LOXHD1: variants seen among roughly 807,000 people sequenced by gnomAD.
LOXHD1 encodes the protein lipoxygenase homology domain-containing protein 1.
In LOXHD1, 205 loss-of-function variants were observed where a neutral mutation model predicts 248.2. The ratio of observed to expected loss-of-function variants is 0.83; its 90% CI spans 0.74 to 0.93. The LOEUF (loss-of-function observed/expected upper bound fraction) is 0.93. Among genes scored for constraint, LOXHD1 ranks in the 40% least tolerant of loss-of-function variants. The probability of loss-of-function intolerance (pLI) is 0.00; values close to 1 mark genes in which losing one functional copy is unlikely to be tolerated. For missense variants in LOXHD1, 2,930 were observed against 2,971.6 expected (o/e 0.99, Z 0.33); for synonymous variants, 1,113 against 1,162.8 (o/e 0.96, Z 0.87).
chr18:46,609,547 A>C (rs2038472947), intron 6 of LOXHD1, among the ~76,000 whole-genome samples: 1 of 152,250 alleles, frequency 6.6e-6, no homozygotes, highest in African/African-American at 2.4e-5. Context: ...AATATATAAC[A>C]CATTAACCTT....
intron 31 of LOXHD1, 96 bp from the exon 32 acceptor site, chr18:46,522,405 TGA>T: frequency 4.1e-6 from 4 of 972,224 alleles, no homozygotes; most frequent in Non-Finnish European, 4.6e-6. Flanking sequence ...CTGAGGGCAC[TGA>T]TCTCAGCTCC....
chr18:46,500,168 C>G (rs552005293), intron 37 of LOXHD1, among the ~76,000 whole-genome samples: 1 of 152,248 alleles, frequency 6.6e-6, no homozygotes, highest in African/African-American at 2.4e-5. Context: ...TGCTCTACAC[C>G]GCCCTTGCTA....
intron 37 of LOXHD1, among the ~76,000 whole-genome samples, chr18:46,496,785 T>C (rs946959876): frequency 2.0e-5 from 3 of 152,164 alleles, no homozygotes; most frequent in Non-Finnish European, 4.4e-5. Context: ...GGTGGATCCC[T>C]TGAGGTCAGG....
At chr18:46,509,551 G>A in intron 35 of LOXHD1, 147 bp downstream of exon 35, 1 of 715,576 alleles carries the variant, frequency 1.4e-6, no homozygotes, top group Non-Finnish European at 2.6e-6. Flanking sequence ...TCATGCCAAA[G>A]GGCATACTGG....
intron 4 of LOXHD1, among the ~76,000 whole-genome samples, chr18:46,633,538 A>T (rs2038854145): frequency 6.6e-6 from 1 of 152,240 alleles, no homozygotes; most frequent in Non-Finnish European, 1.5e-5. Context: ...AACATGGGAG[A>T]AAAATCTTCA....
chr18:46,618,757 C>A (rs2038626396), intron 4 of LOXHD1, among the ~76,000 whole-genome samples: 1 of 152,168 alleles, frequency 6.6e-6, no homozygotes, highest in African/African-American at 2.4e-5. Flanking sequence ...TTCCACATTG[C>A]ACCATAGCAT....
intron 5 of LOXHD1, among the ~76,000 whole-genome samples, chr18:46,614,856 C>A (rs1285870142): frequency 6.6e-6 from 1 of 151,962 alleles, no homozygotes; most frequent in Admixed American, 6.6e-5. Context: ...GACACATTAC[C>A]TTTTTCCCTA....
intron 14 of LOXHD1, among the ~76,000 whole-genome samples, chr18:46,572,644 A>G (rs895658561): frequency 3.3e-5 from 5 of 152,098 alleles, no homozygotes; most frequent in Admixed American, 3.3e-4. Flanking sequence ...TAGCATAGAA[A>G]ACAAGCACCT....
Position 46,592,593 on chromosome 18 carries a change from A to G in LOXHD1, c.1432-9T>C, listed in dbSNP as rs1197933940. 6 of 1,549,422 alleles carry G rather than the reference A, an allele frequency of 3.9e-6. No individual in the cohort carries two copies. The Admixed American group carries it at 1.2e-4, about 30-fold the overall frequency. Reference sequence around the variant, plus strand: ...AGATCCGGGAGCTCAATCTATGGTGAGAAATAAAAACATTTGAGTGGGCAT... The same window carrying G: ...AGATCCGGGAGCTCAATCTATGGTGGGAAATAAAAACATTTGAGTGGGCAT... On this transcript the variant is annotated splice_polypyrimidine_tract_variant and intron_variant, in intron 10 of 40. Transcript: ENST00000642948.
Position 46,534,452 on chromosome 18 carries a change from C to T in LOXHD1, c.4096-1G>A, listed in dbSNP as rs749861944. 2 of 1,549,698 alleles carry T rather than the reference C, an allele frequency of 1.3e-6. No individual in the cohort carries two copies. Among genetic ancestry groups the T allele is most frequent in the South Asian group, 2.4e-5 (2 of 84,010 alleles). ...CAATGATTTCTCCCACATCTTCTAA[C>T]TTTGGAAAGGAGATAAGGCACTGAA... On this transcript the variant is annotated splice_acceptor_variant, in intron 26 of 40. Transcript: ENST00000642948. LOFTEE classifies it high-confidence loss of function.
intron 22 of LOXHD1, 128 bp downstream of exon 22, chr18:46,546,767 T>C (rs1447150844): frequency 9.3e-7 from 1 of 1,071,000 alleles, no homozygotes; most frequent in Non-Finnish European, 1.3e-6. Context: ...GAGAGGGCAA[T>C]ACAATAGACT....
Position 46,604,463 on chromosome 18 carries a change from G to A in LOXHD1, c.760-234C>T, listed in dbSNP as rs568533626. Among the ~76,000 whole-genome samples the A allele has an allele frequency of 3.3e-5, 5 of 152,322 alleles. No individual in the cohort carries two copies. In the East Asian group the frequency reaches 5.8e-4, roughly 18 times the overall value. ...TTCTGACTTGAATTACTGAGCCACC[G>A]CTCCCTCCACTGCTGCAGATCATTT... On this transcript the variant is annotated intron_variant, in intron 6 of 40. Coordinates refer to ENST00000642948, the MANE Select transcript of LOXHD1 (RefSeq NM_001384474.1).
chr18:46,487,254 G>A (rs1484397711), intron 38 of LOXHD1, among the ~76,000 whole-genome samples: 1 of 152,204 alleles, frequency 6.6e-6, no homozygotes, highest in Non-Finnish European at 1.5e-5. Context: ...CAGGAGAGGA[G>A]CGAACAGATC....
chr18:46,540,003 T>C (rs1218151508), intron 25 of LOXHD1, among the ~76,000 whole-genome samples: 1 of 152,230 alleles, frequency 6.6e-6, no homozygotes, highest in Non-Finnish European at 1.5e-5. Context: ...CTTGCAGTAG[T>C]AATAGTAGTA....
intron 27 of LOXHD1, among the ~76,000 whole-genome samples, 199 bp from the exon 28 acceptor site, chr18:46,533,523 C>T (rs1449999164): frequency 1.3e-5 from 2 of 152,166 alleles, no homozygotes; most frequent in African/African-American, 2.4e-5. Flanking sequence ...CAGAGTTTGG[C>T]TCTGAAAGGC....
intron 8 of LOXHD1, among the ~76,000 whole-genome samples, chr18:46,598,415 T>C (rs393218): frequency 0.79 from 120,292 of 151,414 alleles, 48,285 homozygotes; most frequent in Non-Finnish European, 0.86. Flanking sequence ...TAAAGTTATC[T>C]ACTATTAATC....
chr18:46,630,390 C>T (rs933322686), intron 4 of LOXHD1, among the ~76,000 whole-genome samples: 3 of 152,156 alleles, frequency 2.0e-5, no homozygotes, highest in Non-Finnish European at 4.4e-5. Flanking sequence ...GGGCTGTGGG[C>T]AATTACTTGG....
At chr18:46,557,926 A>C in intron 20 of LOXHD1, 1 of 1,049,326 alleles carries the variant, frequency 9.5e-7, no homozygotes, top group Non-Finnish European at 1.2e-6. Flanking sequence ...TGCTGTGCAA[A>C]TCCAAAGTGA....
chr18:46,592,719 G>A (rs2038194256), intron 10 of LOXHD1, 135 bp from the exon 11 acceptor site: 3 of 711,910 alleles, frequency 4.2e-6, no homozygotes, highest in Non-Finnish European at 4.8e-6. Flanking sequence ...CTTCAATCAA[G>A]CCACCCTCAC....
Sources: allele counts gnomAD v4.1 joint callset (sites outside exome capture counted in the v4.1 genomes callset), GRCh38; gene constraint gnomAD v4.1.1; transcripts MANE v1.5; gene names NCBI Gene and HGNC (gene_info 2026-07-23, HGNC 2026-07-21).